ACP1: variants seen among roughly 807,000 people sequenced by gnomAD.
The protein encoded by ACP1 is acid phosphatase 1.
ACP1 carries 23 observed loss-of-function variants against 23.4 expected under a neutral mutation model. The ratio of observed to expected loss-of-function variants is 0.98; its 90% CI spans 0.71 to 1.39. ACP1 has a LOEUF of 1.39. Ranked by LOEUF, ACP1 falls within the 40% of genes most tolerant of loss-of-function variation. The probability of loss-of-function intolerance (pLI) is 0.00; values close to 1 mark genes in which losing one functional copy is unlikely to be tolerated. For synonymous variants in ACP1, 72 were observed against 67.2 expected, an observed-to-expected ratio of 1.07 and a Z score of -0.35; for missense variants, 180 against 197.7, an observed-to-expected ratio of 0.91 and a Z score of 0.54.
At chr2:275,230 T>C in intron 4 of ACP1, 29 bp downstream of exon 4, 1 of 1,377,846 alleles carries the variant, frequency 7.3e-7, no homozygotes, top group Non-Finnish European at 1.0e-6. Flanking sequence ...AATATTTCTG[T>C]TCAACTCTCA....
At chr2:266,267 C>A (rs1669878800) in intron 1 of ACP1, 1 of 152,170 alleles carries the variant, frequency 6.6e-6, no homozygotes, top group African/African-American at 2.4e-5. Context: ...AAGTTAACTT[C>A]TGTGAAAGAC....
chr2:269,681 C>T (rs775111823), intron 1 of ACP1, among the ~76,000 whole-genome samples: 2 of 152,176 alleles, frequency 1.3e-5, no homozygotes, highest in African/African-American at 2.4e-5. Context: ...TTCCCCAGCG[C>T]AGATCATAGA....
chr2:277,169 T>G, intron 5 of ACP1, 58 bp from the exon 6 acceptor site: 6 of 1,593,754 alleles, frequency 3.8e-6, no homozygotes, highest in Non-Finnish European at 5.2e-6. Context: ...TGAGATTGTG[T>G]TAAGGATGTT....
chr2:266,895 C>T (rs10171043), intron 1 of ACP1, among the ~76,000 whole-genome samples: 45,597 of 151,944 alleles, frequency 0.3, 7,513 homozygotes, highest in East Asian at 0.59. Flanking sequence ...AGCTTCACTA[C>T]TCTTATGATT....
chr2:272,453 G>T, intron 3 of ACP1: 2 of 1,441,188 alleles, frequency 1.4e-6, no homozygotes, highest in Non-Finnish European at 9.1e-7. Context: ...TTCACTTCTG[G>T]TTGCACGGTG....
chr2:272,494 T>C, intron 3 of ACP1: 3 of 1,432,050 alleles, frequency 2.1e-6, no homozygotes, highest in Non-Finnish European at 2.7e-6. Context: ...TGGAATTTAC[T>C]TATTAAAATG....
At chr2:270,596 T>G (rs1000464476) in intron 1 of ACP1, among the ~76,000 whole-genome samples, 2 of 152,156 alleles carry the variant, frequency 1.3e-5, no homozygotes, top group Admixed American at 6.5e-5. Context: ...CCCACTTTTA[T>G]TATAATAAAT....
intron 4 of ACP1, 28 bp downstream of exon 4, chr2:275,229 G>T (rs764396938): frequency 3.0e-5 from 41 of 1,379,652 alleles, no homozygotes; most frequent in Non-Finnish European, 4.1e-5. Context: ...GAATATTTCT[G>T]TTCAACTCTC....
rs764556350 is a variant in ACP1 at position 277,034 on chromosome 2, A to T, written c.348A>T (p.Leu116=). The change falls in exon 5 of 6, where the codon CTA becomes CTT. Residue 116 remains leucine (L), a synonymous_variant. Coordinates refer to ENST00000272065, the MANE Select transcript of ACP1 (RefSeq NM_004300.4). The part of the protein sequence containing the change: ...QVKTCKAKIE[L]LGSYDPQKQL... ...AAACCTGCAAAGCTAAAATTGAACT[A>T]CTTGGGAGCTATGATCCACAAAAAC... 6.2e-7 allele frequency: 1 copy of T among 1,613,232 alleles called. No individual in the cohort carries two copies. The highest frequency in any genetic ancestry group is 1.7e-5 in the Admixed American group (1 of 59,960).
At chr2:274,750 T>G (rs1670129270) in intron 3 of ACP1, 1 of 152,920 alleles carries the variant, frequency 6.5e-6, no homozygotes, top group African/African-American at 2.4e-5. Flanking sequence ...TAGCTTGGTG[T>G]TTGTTACTGG....
chr2:276,418 C>G (rs780619771), intron 4 of ACP1, among the ~76,000 whole-genome samples: 1 of 152,284 alleles, frequency 6.6e-6, no homozygotes, highest in East Asian at 1.9e-4. Context: ...CGCAGGTGCT[C>G]AGTCGAAATT....
chr2:271,303 G>A (rs1316445700), intron 1 of ACP1, among the ~76,000 whole-genome samples: 1 of 152,086 alleles, frequency 6.6e-6, no homozygotes, highest in East Asian at 1.9e-4. Context: ...AAGCACAGAT[G>A]GAAAATACCG....
Position 275,120 on chromosome 2 carries a change from G to T in ACP1, c.232-20G>T. ...TTGAATGGTATAAACACTGTGTTTT[G>T]ACTTCTTATTCAATTTTAGATTACC... On this transcript the variant is annotated intron_variant, in intron 3 of 5. Coordinates refer to ENST00000272065, the MANE Select transcript of ACP1 (RefSeq NM_004300.4). The T allele has an allele frequency of 2.2e-6, 3 of 1,379,478 alleles. No individual in the cohort carries two copies. In the South Asian group the frequency reaches 4.0e-5, roughly 19 times the overall value. 85.5% of individuals were successfully genotyped at this position (1,379,478 alleles called of 1,614,324 possible). A position where few individuals can be genotyped will look rare whatever the true frequency, so the allele number is the denominator to read the frequency against.
At position 277,644 on chromosome 2, in the gene ACP1, T is replaced by C. The variant is rs535648696; in HGVS notation, c.*340T>C. 9.6e-6 allele frequency: 3 copies of C among 311,584 alleles called. No homozygotes were observed. Among genetic ancestry groups the C allele is most frequent in the East Asian group, 7.0e-5 (1 of 14,334 alleles). The allele number at this position is 311,584 out of a possible 1,614,324, so 19.3% of individuals were successfully genotyped here. ...AGGCCCAGGTCAACATCTAAGCCTG[T>C]TGAGACTTAGATAATCGAGTCTACC... On this transcript the variant is annotated 3_prime_UTR_variant, in exon 6 of 6. Coordinates refer to ENST00000272065, the MANE Select transcript of ACP1 (RefSeq NM_004300.4).
At chr2:277,157 G>A (rs961337760) in intron 5 of ACP1, 70 bp from the exon 6 acceptor site, 12 of 1,586,596 alleles carry the variant, frequency 7.6e-6, no homozygotes, top group Non-Finnish European at 1.0e-5. Flanking sequence ...TTAAATAACA[G>A]ATGAGATTGT....
At chr2:265,249 C>T in intron 1 of ACP1, 1 of 486,300 alleles carries the variant, frequency 2.1e-6, no homozygotes, top group Non-Finnish European at 3.6e-6. Flanking sequence ...GGGCTCTTGG[C>T]ATCTGCAGCC....
chr2:277,162 G>A (rs1203809098), intron 5 of ACP1, 65 bp from the exon 6 acceptor site: 2 of 1,587,520 alleles, frequency 1.3e-6, no homozygotes, highest in Non-Finnish European at 1.7e-6. Context: ...TAACAGATGA[G>A]ATTGTGTTAA....
At position 277,479 on chromosome 2, in the gene ACP1, G is replaced by C; in HGVS notation, c.*175G>C. On this transcript the variant is annotated 3_prime_UTR_variant, in exon 6 of 6. Coordinates refer to ENST00000272065, the MANE Select transcript of ACP1 (RefSeq NM_004300.4). ...GATGGAAATCAGTTGTGTTTGGCAG[G>C]AGAATCAATAAAAATCTTTGATTCA... 1 of 626,120 alleles carries C rather than the reference G, an allele frequency of 1.6e-6. No individual in the cohort carries two copies. Among genetic ancestry groups the C allele is most frequent in the Non-Finnish European group, 2.9e-6 (1 of 350,276 alleles). The allele number at this position is 626,120 out of a possible 1,614,324, so 38.8% of individuals were successfully genotyped here.
intron 1 of ACP1, among the ~76,000 whole-genome samples, chr2:270,724 G>A (rs1263428723): frequency 6.6e-6 from 1 of 152,108 alleles, no homozygotes; most frequent in African/African-American, 2.4e-5. Context: ...AGCTTCCTGG[G>A]TTGGCAGTGC....
Sources: allele counts gnomAD v4.1 joint callset (sites outside exome capture counted in the v4.1 genomes callset), GRCh38; gene constraint gnomAD v4.1.1; transcripts MANE v1.5; gene names NCBI Gene and HGNC (gene_info 2026-07-23, HGNC 2026-07-21).